The following EDIL3 variants were observed in gnomAD, a reference collection of about 807,000 sequenced individuals.
EDIL3 encodes the protein EGF like and discoidin domains 3, also known as EGF-like repeat and discoidin I-like domain-containing protein 3.
EDIL3 carries 37 observed loss-of-function variants against 67.4 expected under a neutral mutation model. That is an observed-to-expected ratio of 0.55 (90% CI 0.42 to 0.72). The LOEUF (loss-of-function observed/expected upper bound fraction) is 0.72. Among genes scored for constraint, EDIL3 ranks in the 30% least tolerant of loss-of-function variants. The pLI is 0.00. For synonymous variants in EDIL3, 195 were observed against 196.3 expected (o/e 0.99, Z 0.05); for missense variants, 527 against 586.3 (o/e 0.90, Z 1.04).
intron 8 of EDIL3, 71 bp downstream of exon 8, chr5:84,064,629 A>G: frequency 6.7e-7 from 1 of 1,495,692 alleles, no homozygotes; most frequent in Non-Finnish European, 8.9e-7. Context: ...GTAGGTTAGT[A>G]ACAGGCTACA....
intron 1 of EDIL3, among the ~76,000 whole-genome samples, chr5:84,329,797 A>C (rs771558948): frequency 1.3e-5 from 2 of 152,120 alleles, no homozygotes; most frequent in African/African-American, 4.8e-5. Context: ...ACATTTTCCA[A>C]AGCATTTTCA....
chr5:84,240,889 C>A (rs1327031315), intron 2 of EDIL3, among the ~76,000 whole-genome samples: 1 of 151,894 alleles, frequency 6.6e-6, no homozygotes, highest in Non-Finnish European at 1.5e-5. Flanking sequence ...AACTGAGCAA[C>A]CACTAATGCT....
chr5:83,958,525 C>T (rs545301376), intron 10 of EDIL3, among the ~76,000 whole-genome samples: 1 of 151,190 alleles, frequency 6.6e-6, no homozygotes, highest in African/African-American at 2.4e-5. Context: ...TTTACAAAAC[C>T]CTGGATAATT....
At chr5:84,355,626 G>A (rs527816320) in intron 1 of EDIL3, among the ~76,000 whole-genome samples, 4 of 152,246 alleles carry the variant, frequency 2.6e-5, no homozygotes, top group African/African-American at 7.2e-5. Flanking sequence ...CTGCAGAACA[G>A]CAAATATTGC....
intron 1 of EDIL3, among the ~76,000 whole-genome samples, chr5:84,332,705 T>G (rs1340382624): frequency 6.6e-6 from 1 of 152,208 alleles, no homozygotes; most frequent in Non-Finnish European, 1.5e-5. Context: ...TATGGTTGTG[T>G]GGTTTGGTAC....
At chr5:84,287,393 T>C (rs564393883) in intron 1 of EDIL3, among the ~76,000 whole-genome samples, 40 of 152,270 alleles carry the variant, frequency 2.6e-4, no homozygotes, top group African/African-American at 9.6e-4. Flanking sequence ...TCAGCAGGAC[T>C]GAGTTGAACA....
chr5:84,202,160 T>C (rs1486645381), intron 3 of EDIL3, among the ~76,000 whole-genome samples: 1 of 152,168 alleles, frequency 6.6e-6, no homozygotes, highest in Non-Finnish European at 1.5e-5. Flanking sequence ...TATGTGCCAT[T>C]TCTTACATAC....
chr5:84,159,475 A>G (rs1383602116), intron 4 of EDIL3, among the ~76,000 whole-genome samples: 1 of 152,008 alleles, frequency 6.6e-6, no homozygotes, highest in African/African-American at 2.4e-5. Flanking sequence ...ACCTGACCCC[A>G]TATATTGTTA....
intron 3 of EDIL3, among the ~76,000 whole-genome samples, chr5:84,187,682 C>T (rs1743493887): frequency 6.6e-6 from 1 of 152,002 alleles, no homozygotes; most frequent in African/African-American, 2.4e-5. Flanking sequence ...GTTGCCTTTA[C>T]ATTTAATAAT....
chr5:84,285,639 A>G (rs991714516), intron 1 of EDIL3, among the ~76,000 whole-genome samples: 1 of 152,240 alleles, frequency 6.6e-6, no homozygotes, highest in African/African-American at 2.4e-5. Flanking sequence ...TAATAAAAAG[A>G]TTATCTTATG....
intron 4 of EDIL3, among the ~76,000 whole-genome samples, chr5:84,168,132 T>C (rs1415051335): frequency 6.6e-6 from 1 of 152,160 alleles, no homozygotes; most frequent in Non-Finnish European, 1.5e-5. Context: ...AAATCAATCA[T>C]TCTAAAGGCT....
intron 6 of EDIL3, among the ~76,000 whole-genome samples, chr5:84,093,534 T>G (rs1747205349): frequency 6.6e-6 from 1 of 152,054 alleles, no homozygotes; most frequent in African/African-American, 2.4e-5. Context: ...AACCATGCAG[T>G]GCATGTATTG....
At chr5:83,973,202 T>A (rs1744821892) in intron 9 of EDIL3, among the ~76,000 whole-genome samples, 1 of 152,034 alleles carries the variant, frequency 6.6e-6, no homozygotes, top group Non-Finnish European at 1.5e-5. Context: ...GACTTTGACT[T>A]ATTACATGAA....
intron 3 of EDIL3, among the ~76,000 whole-genome samples, chr5:84,195,063 G>A (rs1056058422): frequency 6.6e-6 from 1 of 151,864 alleles, no homozygotes; most frequent in Non-Finnish European, 1.5e-5. Context: ...GTGTTTTCAT[G>A]ATACAAGTAA....
intron 1 of EDIL3, among the ~76,000 whole-genome samples, chr5:84,287,507 T>C (rs1279813609): frequency 6.6e-6 from 1 of 151,726 alleles, no homozygotes; most frequent in African/African-American, 2.4e-5. Context: ...TGATTGCTAA[T>C]ACAATTTGGA....
At chr5:84,189,819 C>T (rs1342546010) in intron 3 of EDIL3, among the ~76,000 whole-genome samples, 10 of 151,952 alleles carry the variant, frequency 6.6e-5, no homozygotes, top group Non-Finnish European at 1.3e-4. Context: ...ATAATATTTG[C>T]TGACTGTGTG....
intron 3 of EDIL3, among the ~76,000 whole-genome samples, chr5:84,229,495 C>G (rs1279648252): frequency 6.6e-6 from 1 of 152,028 alleles, no homozygotes; most frequent in African/African-American, 2.4e-5. Flanking sequence ...TTACCATTTT[C>G]CTCCTTTTTA....
At chr5:84,080,227 C>T (rs1580317240) in intron 6 of EDIL3, among the ~76,000 whole-genome samples, 2 of 131,192 alleles carry the variant, frequency 1.5e-5, no homozygotes, top group Non-Finnish European at 1.5e-5. Flanking sequence ...ACCTGGGAGG[C>T]GGAGCTTGAA....
intron 6 of EDIL3, among the ~76,000 whole-genome samples, chr5:84,100,849 G>A (rs531768858): frequency 6.6e-6 from 1 of 152,086 alleles, no homozygotes; most frequent in African/African-American, 2.4e-5. Context: ...TACTCTGATA[G>A]TTTGGAAATA....
Sources: gnomAD v4.1 joint callset for allele counts (sites outside exome capture counted in the v4.1 genomes callset) on GRCh38, gnomAD v4.1.1 for gene constraint, MANE v1.5 for transcripts, NCBI Gene and HGNC (gene_info 2026-07-23, HGNC 2026-07-21) for gene names.